The following ITIH3 variants were observed in gnomAD, a reference collection of about 807,000 sequenced individuals.
ITIH3 encodes the protein inter-alpha-trypsin inhibitor heavy chain H3.
A neutral mutation model predicts 96.5 loss-of-function variants in ITIH3; 81 were observed. The ratio of observed to expected loss-of-function variants is 0.84; its 90% CI spans 0.70 to 1.01. ITIH3 has a LOEUF of 1.01. ITIH3 is among the 50% of genes least tolerant of loss of function. The pLI is 0.00. For synonymous variants in ITIH3, 422 were observed against 445.2 expected (o/e 0.95, Z 0.66); for missense variants, 1,057 against 1,139.3 (o/e 0.93, Z 1.04).
chr3:52,806,887 C>T lies in ITIH3; in HGVS notation c.2057-14C>T. The T allele has an allele frequency of 1.3e-6, 2 of 1,566,772 alleles. No individual in the cohort carries two copies. The highest frequency in any genetic ancestry group is 1.7e-6 in the Non-Finnish European group (2 of 1,154,712). ...TTCTCGCTGGTCTCTCTCCCTGCCC[C>T]ATCCCTCTGGCAGGCCTCACAGTTA... On this transcript the variant is annotated splice_polypyrimidine_tract_variant and intron_variant, in intron 18 of 21. Coordinates refer to ENST00000449956, the MANE Select transcript of ITIH3 (RefSeq NM_002217.4).
intron 8 of ITIH3, 40 bp from the exon 9 acceptor site, chr3:52,799,713 C>G: frequency 6.4e-7 from 1 of 1,568,478 alleles, no homozygotes; most frequent in Non-Finnish European, 8.6e-7. Flanking sequence ...GGACCTCACT[C>G]TCTGCTGCGG....
rs920039763 is a variant in ITIH3, at chr3:52,808,111, G to A, written c.2433G>A (p.Gly811=). ...CAGCATGAATATTTTTCTTCCCAGG[G>A]CAATTCTTCCAACCCTTTGACTTTA... ...RMSAQTHGLL[G]QFFQPFDFKV... is the part of the protein sequence containing the mutation. The change falls in exon 21 of 22, where the codon GGG becomes GGA. Residue 811 remains glycine, a splice_region_variant and synonymous_variant. Coordinates refer to ENST00000449956, the MANE Select transcript of ITIH3 (RefSeq NM_002217.4). 6.2e-7 allele frequency: 1 copy of A among 1,613,948 alleles called. No individual in the cohort carries two copies. Among genetic ancestry groups the A allele is most frequent in the Non-Finnish European group, 8.5e-7 (1 of 1,179,820 alleles).
intron 6 of ITIH3, chr3:52,798,764 G>A: frequency 1.7e-6 from 1 of 603,426 alleles, no homozygotes. Context: ...GTGGTAAACA[G>A]TGCCTTCCAG....
At chr3:52,797,654 G>A (rs1415775341) in intron 5 of ITIH3, among the ~76,000 whole-genome samples, 163 bp from the exon 6 acceptor site, 5 of 152,204 alleles carry the variant, frequency 3.3e-5, no homozygotes, top group Non-Finnish European at 5.9e-5. Context: ...TCTCCTCCAA[G>A]CCCCTGTGGT....
chr3:52,797,368 C>T, intron 5 of ITIH3, 101 bp downstream of exon 5: 1 of 1,218,474 alleles, frequency 8.2e-7, no homozygotes, highest in Non-Finnish European at 1.1e-6. Flanking sequence ...AGTTCTGCCT[C>T]ACGGCATCCC....
Position 52,796,473 on chromosome 3 carries a change from C to G in ITIH3, c.115-8C>G. 1.2e-6 allele frequency: 2 copies of G among 1,610,350 alleles called. No individual in the cohort carries two copies. Among genetic ancestry groups the G allele is most frequent in the Non-Finnish European group, 1.7e-6 (2 of 1,178,630 alleles). The stretch of plus-strand genomic sequence containing the variant: ...AGTCTGGCTGATTCTCCACCCACCT[C>G]CCCAAAGGTGGCCAATGGCATCGAG... On this transcript the variant is annotated splice_polypyrimidine_tract_variant and splice_region_variant and intron_variant, in intron 2 of 21. Coordinates refer to ENST00000449956, the MANE Select transcript of ITIH3 (RefSeq NM_002217.4).
At chr3:52,801,176 T>C (rs527718968) in intron 11 of ITIH3, 30 bp downstream of exon 11, 2 of 1,510,652 alleles carry the variant, frequency 1.3e-6, no homozygotes, top group Non-Finnish European at 1.8e-6. Context: ...CTTCCGGGCA[T>C]AAGGAGCTCA....
At chr3:52,796,362 G>A (rs999980823) in intron 2 of ITIH3, 119 bp from the exon 3 acceptor site, 7 of 797,308 alleles carry the variant, frequency 8.8e-6, no homozygotes, top group African/African-American at 3.5e-5. Context: ...TGGAGGATGA[G>A]GGTTGCGTGC....
At chr3:52,796,412 G>A (rs1699581616) in intron 2 of ITIH3, 69 bp from the exon 3 acceptor site, 5 of 1,424,866 alleles carry the variant, frequency 3.5e-6, no homozygotes, top group Non-Finnish European at 4.8e-6. Flanking sequence ...TTGCAAGGGA[G>A]GTGGCTGGGT....
intron 1 of ITIH3, 114 bp downstream of exon 1, chr3:52,795,010 C>T: frequency 1.2e-6 from 1 of 850,100 alleles, no homozygotes; most frequent in Non-Finnish European, 2.0e-6. Flanking sequence ...GGGCACTGAG[C>T]TGCTGGGAGT....
chr3:52,805,947 G>C, intron 16 of ITIH3, 107 bp downstream of exon 16: 1 of 1,538,992 alleles, frequency 6.5e-7, no homozygotes, highest in Non-Finnish European at 8.9e-7. Flanking sequence ...TGGGCAGATG[G>C]ACAATGTGCC....
chr3:52,794,893 T>G lies in ITIH3; in HGVS notation c.90T>G (p.Leu30=). ...TCCCGAGAAGCCCCTTTCGGCTGCT[T>G]GGGGTGAGTCTGCCCCCTCTTTGCC... ...SGFPRSPFRL[L]GKRSLPEGVA... The change falls in exon 1 of 22, where the codon CTT becomes CTG. Residue 30 remains leucine, a synonymous_variant. Coordinates refer to ENST00000449956, the MANE Select transcript of ITIH3 (RefSeq NM_002217.4). 1 of 1,613,306 alleles carries G rather than the reference T, an allele frequency of 6.2e-7. No homozygotes were observed. The highest frequency in any genetic ancestry group is 8.5e-7 in the Non-Finnish European group (1 of 1,179,378).
chr3:52,796,080 C>T lies in ITIH3; in HGVS notation c.115-401C>T, dbSNP rs998267005. On this transcript the variant is annotated intron_variant, in intron 2 of 21. Transcript: ENST00000449956. Reference sequence around the variant, plus strand: ...TTGGGAGACAGAATGAGGCAATTACCTAAAGACCCAGGAGGTGGGCTGGGC... The same window carrying T: ...TTGGGAGACAGAATGAGGCAATTACTTAAAGACCCAGGAGGTGGGCTGGGC... 15 of 232,324 alleles carry T rather than the reference C, an allele frequency of 6.5e-5. No individual in the cohort carries two copies. The East Asian group carries it at 1.6e-3, about 25-fold the overall frequency. The allele number at this position is 232,324 out of a possible 1,614,324, so 14.4% of individuals were successfully genotyped here.
At chr3:52,799,256 G>A (rs1699715612) in intron 7 of ITIH3, 116 bp from the exon 8 acceptor site, 3 of 1,161,270 alleles carry the variant, frequency 2.6e-6, no homozygotes, top group Non-Finnish European at 3.7e-6. Flanking sequence ...CCCCTAGAGG[G>A]TGGGATAGGA....
chr3:52,807,879 C>G lies in ITIH3; in HGVS notation c.2394C>G (p.Asp798Glu). Residue 798 changes from aspartate to glutamate, a missense_variant, in exon 20 of 22, where the codon GAC becomes GAG. Transcript: ENST00000449956. The stretch of plus-strand genomic sequence containing the variant: ...ACTTTCTAGGCTTCTACGTGGTGGA[C>G]AGTCACCGGATGTCAGCACAGACGC... ...HRDFLGFYVV[D>E]SHRMSAQTHG... 6.2e-7 allele frequency: 1 copy of G among 1,612,650 alleles called. No individual in the cohort carries two copies.
In ITIH3 at chr3:52,803,986, C is replaced by T. The variant is rs1699948105; in HGVS notation, c.1841C>T (p.Ala614Val). 6.2e-7 allele frequency: 1 copy of T among 1,613,330 alleles called. No individual in the cohort carries two copies. The highest frequency in any genetic ancestry group is 1.3e-5 in the African/African-American group (1 of 74,946). Reference sequence around the variant, plus strand: ...CCTGAGGACAACGAGGATGAGAGGGCCATTGCCGACAAGCCTGGGGAAGGT... The same window carrying T: ...CCTGAGGACAACGAGGATGAGAGGGTCATTGCCGACAAGCCTGGGGAAGGT... ...TKPEDNEDER[A>V]IADKPGEDAE... Residue 614 changes from alanine to valine, a missense_variant, in exon 14 of 22, where the codon GCC becomes GTC. By Grantham distance (64) the Ala-to-Val change is moderately conservative. Coordinates refer to ENST00000449956, the MANE Select transcript of ITIH3 (RefSeq NM_002217.4).
At chr3:52,805,685 C>CA (rs1489882351) in intron 15 of ITIH3, 123 bp from the exon 16 acceptor site, 1 of 1,536,082 alleles carries the variant, frequency 6.5e-7, no homozygotes, top group African/African-American at 1.4e-5. Context: ...GTCACATCTC[C>CA]ACCTCTATCT....
In ITIH3 at chr3:52,799,055, C is replaced by T; in HGVS notation, c.753C>T (p.Thr251=). Reference sequence around the variant, plus strand: ...TCCTCAATGGAGATTTCACTATCACCTATGACGTGAACAGAGAATCTCCTG... The same window carrying T: ...TCCTCAATGGAGATTTCACTATCACTTATGACGTGAACAGAGAATCTCCTG... ...DSLLNGDFTI[T]YDVNRESPGN... is the part of the protein sequence containing the mutation. The change falls in exon 7 of 22, where the codon ACC becomes ACT. Residue 251 remains threonine, a synonymous_variant. Transcript: ENST00000449956. 2 of 1,613,510 alleles carry T rather than the reference C, an allele frequency of 1.2e-6. No individual in the cohort carries two copies. The highest frequency in any genetic ancestry group is 1.1e-5 in the South Asian group (1 of 90,902).
In ITIH3 at chr3:52,802,328, C is replaced by A; in HGVS notation, c.1384-6C>A. 6.2e-7 allele frequency: 1 copy of A among 1,613,546 alleles called. No homozygotes were observed. The highest frequency in any genetic ancestry group is 8.5e-7 in the Non-Finnish European group (1 of 1,179,744). ...CTTGAGATGACTGGCCCCGTGCGAA[C>A]TTCAGGGCTTCTATGAGGAGGTGGC... On this transcript the variant is annotated splice_region_variant and splice_polypyrimidine_tract_variant and intron_variant, in intron 11 of 21. Coordinates refer to ENST00000449956, the MANE Select transcript of ITIH3 (RefSeq NM_002217.4).
Sources: gnomAD v4.1 joint callset for allele counts (sites outside exome capture counted in the v4.1 genomes callset) on GRCh38, gnomAD v4.1.1 for gene constraint, MANE v1.5 for transcripts, NCBI Gene and HGNC (gene_info 2026-07-23, HGNC 2026-07-21) for gene names.